CAMK2A: variants seen among roughly 807,000 people sequenced by gnomAD.
The protein encoded by CAMK2A is calcium/calmodulin-dependent protein kinase type II subunit alpha.
In CAMK2A, 7 loss-of-function variants were observed where a neutral mutation model predicts 79.2. The observed-to-expected ratio is 0.09, with a 90% CI of 0.05 to 0.17. CAMK2A has a LOEUF of 0.17. CAMK2A is among the 10% of genes least tolerant of loss of function. CAMK2A has a pLI of 1.00. For synonymous variants in CAMK2A, 242 were observed against 251.7 expected, an observed-to-expected ratio of 0.96 and a Z score of 0.36; for missense variants, 214 against 646.4, an observed-to-expected ratio of 0.33 and a Z score of 7.25.
intron 2 of CAMK2A, among the ~76,000 whole-genome samples, chr5:150,265,944 A>AG (rs1387165748): frequency 1.3e-5 from 2 of 152,042 alleles, no homozygotes; most frequent in African/African-American, 4.8e-5. Context: ...CAAAAAAAAA[A>AG]AAAAGAAAAG....
At chr5:150,228,559 C>T (rs1053343710) in intron 16 of CAMK2A, among the ~76,000 whole-genome samples, 2 of 152,136 alleles carry the variant, frequency 1.3e-5, no homozygotes, top group Non-Finnish European at 1.5e-5. Context: ...AGCAAGAGCA[C>T]CATGAATAGT....
In CAMK2A at chr5:150,251,847, G is replaced by A; in HGVS notation, c.599-3C>T. On this transcript the variant is annotated splice_region_variant and splice_polypyrimidine_tract_variant and intron_variant, in intron 8 of 18. Coordinates refer to ENST00000671881, the MANE Select transcript of CAMK2A (RefSeq NM_015981.4). ...CAGCAGGATGTACAGGATGACCCCTGGAAAGAGGACCAGAGAACCTTCAAC... is the reference window on the plus strand; with the variant it reads ...CAGCAGGATGTACAGGATGACCCCTAGAAAGAGGACCAGAGAACCTTCAAC... 1 of 1,597,606 alleles carries A rather than the reference G, an allele frequency of 6.3e-7. No individual in the cohort carries two copies.
Position 150,256,403 on chromosome 5 carries a change from G to T in CAMK2A, c.411+170C>A, listed in dbSNP as rs1301747693. 6.6e-6 allele frequency among the ~76,000 whole-genome samples: 1 copy of T among 152,224 alleles called. No homozygotes were observed. The highest frequency in any genetic ancestry group is 1.5e-5 in the Non-Finnish European group (1 of 68,034). On this transcript the variant is annotated intron_variant, in intron 6 of 18. Coordinates refer to ENST00000671881, the MANE Select transcript of CAMK2A (RefSeq NM_015981.4). This position sits in a 1 kb window ranked among gnomAD's most constrained non-coding sequence, Gnocchi z 4.6. ...AAACACAGACGCTCTACCTTCCTGA[G>T]CTCTGCTTCCTCATCTGAACAGTGG...
At chr5:150,281,487 C>A (rs560794366) in intron 1 of CAMK2A, among the ~76,000 whole-genome samples, 2 of 152,334 alleles carry the variant, frequency 1.3e-5, no homozygotes, top group South Asian at 4.1e-4. Flanking sequence ...GCATCAGAAC[C>A]TTGTATAGCC....
At chr5:150,275,744 C>T (rs1188089684) in intron 1 of CAMK2A, among the ~76,000 whole-genome samples, 1 of 152,196 alleles carries the variant, frequency 6.6e-6, no homozygotes, top group Non-Finnish European at 1.5e-5. Flanking sequence ...AGAGCAAGGT[C>T]TGGAAGGATC....
intron 13 of CAMK2A, among the ~76,000 whole-genome samples, chr5:150,240,716 C>T (rs1453715373): frequency 1.3e-5 from 2 of 152,226 alleles, no homozygotes; most frequent in Non-Finnish European, 2.9e-5. Context: ...GTGGCCTGCA[C>T]AAGGCCTCGC....
At chr5:150,268,964 C>T (rs10476935) in intron 2 of CAMK2A, among the ~76,000 whole-genome samples, 2,178 of 152,018 alleles carry the variant, frequency 0.014, 45 homozygotes, top group African/African-American at 0.049. Flanking sequence ...GGGGGTCTCA[C>T]CATGTTGCTC....
chr5:150,264,854 A>G (rs555291252), intron 3 of CAMK2A, 102 bp downstream of exon 3: 2 of 833,452 alleles, frequency 2.4e-6, no homozygotes, highest in East Asian at 2.5e-5. Flanking sequence ...CCCAGAGAAG[A>G]GAGCAGCTGC....
chr5:150,242,481 G>A (rs1054089280), intron 13 of CAMK2A, among the ~76,000 whole-genome samples: 5 of 152,188 alleles, frequency 3.3e-5, no homozygotes, highest in Admixed American at 3.3e-4. Flanking sequence ...GTTAAGCCCC[G>A]GATGAAATGG....
intron 7 of CAMK2A, among the ~76,000 whole-genome samples, chr5:150,252,820 G>A (rs533750274): frequency 3.3e-4 from 50 of 152,328 alleles, no homozygotes; most frequent in Non-Finnish European, 4.9e-4. Context: ...GATGAGGAAC[G>A]AAGGCACAGA....
At chr5:150,254,595 G>A (rs1228992067) in intron 6 of CAMK2A, among the ~76,000 whole-genome samples, 1 of 152,184 alleles carries the variant, frequency 6.6e-6, no homozygotes. Context: ...CTTTGCACTG[G>A]CTCAGCCTCC....
At chr5:150,274,141 G>A (rs1185348195) in intron 1 of CAMK2A, among the ~76,000 whole-genome samples, 1 of 152,208 alleles carries the variant, frequency 6.6e-6, no homozygotes, top group Non-Finnish European at 1.5e-5. Context: ...ATGGCAATTT[G>A]CTGTAATTTA....
chr5:150,285,578 C>T (rs1580962280), intron 1 of CAMK2A, among the ~76,000 whole-genome samples: 2 of 152,314 alleles, frequency 1.3e-5, no homozygotes, highest in South Asian at 4.1e-4. Flanking sequence ...GCCACACTGC[C>T]ACCTGTGGAT....
rs1755525389 is a variant in CAMK2A at position 150,245,394 on chromosome 5, G to A, written c.944-193C>T. On this transcript the variant is annotated intron_variant, in intron 12 of 18. Transcript: ENST00000671881. Reference sequence around the variant, plus strand: ...CCTCCTCCCTCCTTGGAGGCCCAGGGACTGCCTGGGTTCCCCGCCTTCTCA... The same window carrying A: ...CCTCCTCCCTCCTTGGAGGCCCAGGAACTGCCTGGGTTCCCCGCCTTCTCA... 6.6e-6 allele frequency: 4 copies of A among 606,854 alleles called. No individual in the cohort carries two copies. In the South Asian group the frequency reaches 7.9e-5, roughly 12 times the overall value. The allele number at this position is 606,854 out of a possible 1,614,324, so 37.6% of individuals were successfully genotyped here. A position where few individuals can be genotyped will look rare whatever the true frequency, so the allele number is the denominator to read the frequency against.
intron 15 of CAMK2A, among the ~76,000 whole-genome samples, chr5:150,237,015 G>A (rs114245350): frequency 6.6e-4 from 101 of 152,242 alleles, no homozygotes; most frequent in Non-Finnish European, 1.3e-3. Flanking sequence ...TCAGCCTCCT[G>A]AGTAGTTCAA....
At position 150,222,429 on chromosome 5, in the gene CAMK2A, G is replaced by A. The variant is rs1754360554; in HGVS notation, c.*281C>T. On this transcript the variant is annotated 3_prime_UTR_variant, in exon 19 of 19. Transcript: ENST00000671881. Reference sequence around the variant, plus strand: ...ATCAGGCGGACAGCAGCTGAGGCTGGGGAGAGGGGGCCAGTGCTGTGGACA... The same window carrying A: ...ATCAGGCGGACAGCAGCTGAGGCTGAGGAGAGGGGGCCAGTGCTGTGGACA... 1 of 686,860 alleles carries A rather than the reference G, an allele frequency of 1.5e-6. No homozygotes were observed. The highest frequency in any genetic ancestry group is 2.7e-6 in the Non-Finnish European group (1 of 376,404). 42.5% of individuals were successfully genotyped at this position (686,860 alleles called of 1,614,324 possible). A position where few individuals can be genotyped will look rare whatever the true frequency, so the allele number is the denominator to read the frequency against.
At position 150,239,732 on chromosome 5, in the gene CAMK2A, CT is replaced by C; in HGVS notation, c.988del (p.Arg330GlufsTer9). The C allele has an allele frequency of 2.5e-6, 4 of 1,613,926 alleles. No homozygotes were observed. The highest frequency in any genetic ancestry group is 3.4e-6 in the Non-Finnish European group (4 of 1,179,844). On this transcript the variant is annotated frameshift_variant, in exon 14 of 19. Coordinates refer to ENST00000671881, the MANE Select transcript of CAMK2A (RefSeq NM_015981.4). LOFTEE classifies it high-confidence loss of function. ...TAACTGAACGCTGGAACTGGACTTTCTTTTCTGGAAAAACAAGGAGAAGAGA... is the reference window on the plus strand; with the variant it reads ...TAACTGAACGCTGGAACTGGACTTTCTTTCTGGAAAAACAAGGAGAAGAGA... ...GNKKSDGVKK[R>X]KSSSSVQLME...
chr5:150,262,507 G>C (rs947025711), intron 3 of CAMK2A, among the ~76,000 whole-genome samples: 13 of 152,082 alleles, frequency 8.5e-5, no homozygotes, highest in Non-Finnish European at 1.3e-4. Context: ...AGTCCCGCCT[G>C]CGCATCGCCA....
Position 150,219,865 on chromosome 5 carries a change from ATTTAT to A in CAMK2A, c.*2840_*2844del, listed in dbSNP as rs1754215386. The A allele has an allele frequency of 1.5e-5, 1 of 66,198 alleles. No homozygotes were observed. The highest frequency in any genetic ancestry group is 2.4e-4 in the Admixed American group (1 of 4,082). 4.1% of individuals were successfully genotyped at this position (66,198 alleles called of 1,614,324 possible). On this transcript the variant is annotated 3_prime_UTR_variant, in exon 19 of 19. Transcript: ENST00000671881. ...TTGACTTGGGTTTGGATTTTTATTT[ATTTAT>A]TTATTATTATTATTATTATTATTTT...
Sources: gnomAD v4.1 joint callset for allele counts (sites outside exome capture counted in the v4.1 genomes callset) on GRCh38, gnomAD v4.1.1 for gene constraint, Gnocchi (gnomAD v3.1) non-coding constraint, MANE v1.5 for transcripts, NCBI Gene and HGNC (gene_info 2026-07-23, HGNC 2026-07-21) for gene names.